TELO2: variants seen among roughly 807,000 people sequenced by gnomAD.
TELO2 encodes the protein telomere maintenance 2, also known as telomere length regulation protein TEL2 homolog.
Under a neutral mutation model 91.0 loss-of-function variants are expected in TELO2, and 71 were observed. The observed-to-expected ratio is 0.78, with a 90% confidence interval of 0.64 to 0.95. The LOEUF is 0.95. Ranked by LOEUF, TELO2 falls within the 40% of genes least tolerant of loss-of-function variation. TELO2 has a pLI of 0.00. For missense variants in TELO2, 1,183 were observed against 1,141.3 expected (o/e 1.04, Z -0.53); for synonymous variants, 584 against 518.9 (o/e 1.13, Z -1.71).
chr16:1,501,365 C>T (rs975135224), intron 9 of TELO2, 55 bp from the exon 10 acceptor site: 86 of 1,570,502 alleles, frequency 5.5e-5, no homozygotes, highest in African/African-American at 9.4e-5. Context: ...GGCTCCGTCT[C>T]GGGGAGGGGC....
chr16:1,495,924 C>T (rs989484705), intron 3 of TELO2, among the ~76,000 whole-genome samples: 8 of 152,230 alleles, frequency 5.3e-5, no homozygotes, highest in African/African-American at 1.9e-4. Context: ...GAGGCAGACG[C>T]TGGCGGTGCC....
At chr16:1,495,282 G>GT in intron 2 of TELO2, 64 bp from the exon 3 acceptor site, 1 of 1,485,742 alleles carries the variant, frequency 6.7e-7, no homozygotes, top group East Asian at 2.5e-5. Context: ...CTGGTTCCTT[G>GT]TGGCAGGAAG....
chr16:1,505,428 C>T lies in TELO2; in HGVS notation c.1861C>T (p.Gln621Ter). 1 of 1,611,304 alleles carries T rather than the reference C, an allele frequency of 6.2e-7. No homozygotes were observed. The change falls in exon 16 of 21, where the codon CAG becomes TAG. Residue 621 changes from glutamine (Q) to a stop codon, truncating the protein, a stop_gained. Coordinates refer to ENST00000262319, the MANE Select transcript of TELO2 (RefSeq NM_016111.4). LOFTEE classifies it high-confidence loss of function. The surrounding 1 kb of genome is among the most constrained non-coding windows in gnomAD (Gnocchi z 4.3). ...DILDVLTLAA[Q>*]ELSRPGCLGR... is the part of the protein sequence containing the mutation. ...CCTCCAGGTGCTGACTCTGGCTGCC[C>T]AGGAGCTGTCTAGGCCTGGGTGCCT...
chr16:1,501,892 C>A, intron 11 of TELO2, 119 bp downstream of exon 11: 1 of 1,447,780 alleles, frequency 6.9e-7, no homozygotes, highest in East Asian at 2.3e-5. Context: ...TCTCTTTCGT[C>A]CTCATGTGAG....
At chr16:1,507,849 GGTGTGTGTGTGTGTGTGT>G (rs560652753) in intron 20 of TELO2, 133 bp downstream of exon 20, 121 of 308,282 alleles carry the variant, frequency 3.9e-4, no homozygotes, top group African/African-American at 3.9e-3. Flanking sequence ...GTTGGCCCGG[GGTGTGTGTGTGTGTGTGT>G]GTGTGTGTGT....
chr16:1,494,549 T>G lies in TELO2; in HGVS notation c.268T>G (p.Phe90Val). The G allele has an allele frequency of 6.2e-7, 1 of 1,613,540 alleles. No individual in the cohort carries two copies. Among genetic ancestry groups the G allele is most frequent in the Non-Finnish European group, 8.5e-7 (1 of 1,179,948 alleles). The change falls in exon 2 of 21, where the codon TTC (phenylalanine) becomes GTC (valine). Residue 90 changes from phenylalanine (F) to valine (V), a missense_variant. Phe to Val is a conservative substitution (Grantham distance 50). Transcript: ENST00000262319. The surrounding 1 kb of genome is among the most constrained non-coding windows in gnomAD (Gnocchi z 5.6). The part of the protein sequence containing the change: ...HGRLEELWAS[F>V]FLEGPADQAF... Reference sequence around the variant, plus strand: ...CCGCCTGGAGGAGCTGTGGGCCAGCTTCTTCCTGGAGGGCCCGGCGGACCA... The same window carrying G: ...CCGCCTGGAGGAGCTGTGGGCCAGCGTCTTCCTGGAGGGCCCGGCGGACCA...
chr16:1,497,831 G>A lies in TELO2; in HGVS notation c.830+323G>A, dbSNP rs1424690410. Among the ~76,000 whole-genome samples, 13 of 152,136 alleles carry A rather than the reference G, an allele frequency of 8.5e-5. 1 individual carries two copies. The highest frequency in any genetic ancestry group is 6.3e-3 in the Middle Eastern group (2 of 316). On this transcript the variant is annotated intron_variant, in intron 5 of 20. Coordinates refer to ENST00000262319, the MANE Select transcript of TELO2 (RefSeq NM_016111.4). This position sits in a 1 kb window ranked among gnomAD's most constrained non-coding sequence, Gnocchi z 4.0. ...GTGCACCATGTCCAGGCTCTGACAT[G>A]GTGATGGGCGGTGACTCACTTCCCC... is the stretch of plus-strand genomic sequence containing the variant.
chr16:1,502,512 C>T (rs747328635), intron 13 of TELO2, 108 bp downstream of exon 13: 2 of 1,495,888 alleles, frequency 1.3e-6, no homozygotes, highest in Non-Finnish European at 1.8e-6. Flanking sequence ...TGTGACAGGG[C>T]TGCTGCCTCT....
Position 1,500,359 on chromosome 16 carries a change from C to A in TELO2, c.1015C>A (p.Leu339Met). The A allele has an allele frequency of 6.3e-7, 1 of 1,592,094 alleles. No individual in the cohort carries two copies. The highest frequency in any genetic ancestry group is 8.5e-7 in the Non-Finnish European group (1 of 1,171,472). ...ATGCCACCTGCAGGTGCTGAAGGAG[C>A]TGTTGGAGACGTGGGGCAGCAGCAG... ...RPLLLQVLKE[L>M]LETWGSSSAI... Residue 339 changes from leucine to methionine, a missense_variant, in exon 8 of 21, where the codon CTG (leucine) becomes ATG (methionine). Physicochemically the swap from Leu to Met is conservative, Grantham distance 15 (BLOSUM62 2). Coordinates refer to ENST00000262319, the MANE Select transcript of TELO2 (RefSeq NM_016111.4).
intron 20 of TELO2, 76 bp from the exon 21 acceptor site, chr16:1,509,754 G>A (rs2040064062): frequency 7.1e-7 from 1 of 1,403,876 alleles, no homozygotes; most frequent in South Asian, 1.3e-5. Flanking sequence ...GGCTGGTTCA[G>A]GCAGACTGAA....
rs1567300731 is a variant in TELO2 at position 1,502,108 on chromosome 16, C to T, written c.1534C>T (p.Pro512Ser). Reference protein sequence around the residue: ...GDRELKSSKAPAYVRDCVEAL... With the variant: ...GDRELKSSKASAYVRDCVEAL... ...CAGAGAGCTGAAGAGCAGCAAGGCT[C>T]CTGCCTACGTCCGGGACTGCGTGGA... The change falls in exon 12 of 21, where the codon CCT (proline) becomes TCT (serine). Residue 512 changes from proline to serine, a missense_variant. Physicochemically the swap from Pro to Ser is moderately conservative, Grantham distance 74 (BLOSUM62 -1). Coordinates refer to ENST00000262319, the MANE Select transcript of TELO2 (RefSeq NM_016111.4). The T allele has an allele frequency of 1.2e-6, 2 of 1,613,102 alleles. No homozygotes were observed. The highest frequency in any genetic ancestry group is 2.2e-5 in the East Asian group (1 of 44,884).
In TELO2 at chr16:1,506,779, C is replaced by T. The variant is rs2039908269; in HGVS notation, c.2127-173C>T. 7.1e-6 allele frequency: 10 copies of T among 1,413,410 alleles called. 1 individual carries two copies. In the South Asian group the frequency reaches 1.2e-4, roughly 17 times the overall value. 87.6% of individuals were successfully genotyped at this position (1,413,410 alleles called of 1,614,324 possible). A position where few individuals can be genotyped will look rare whatever the true frequency, so the allele number is the denominator to read the frequency against. On this transcript the variant is annotated intron_variant, in intron 17 of 20. Transcript: ENST00000262319. Reference sequence around the variant, plus strand: ...GGTGGACTTGTGCCAGACAGCCCTGCAGGGGGAGTAGGCACCCGGAAATGT... The same window carrying T: ...GGTGGACTTGTGCCAGACAGCCCTGTAGGGGGAGTAGGCACCCGGAAATGT...
In TELO2 at chr16:1,495,333, C is replaced by T. The variant is rs1375673201; in HGVS notation, c.336-13C>T. 7.2e-6 allele frequency: 11 copies of T among 1,533,104 alleles called. No individual in the cohort carries two copies. The highest frequency in any genetic ancestry group is 1.2e-5 in the South Asian group (1 of 83,218). The allele number at this position is 1,533,104 out of a possible 1,614,324, so 95.0% of individuals were successfully genotyped here. On this transcript the variant is annotated splice_polypyrimidine_tract_variant and intron_variant, in intron 2 of 20. Coordinates refer to ENST00000262319, the MANE Select transcript of TELO2 (RefSeq NM_016111.4). ...GGGGTTGGCGGCTCTGCCCAACACGCCCGTATCTTCAGCCCCAGCTTCCGG... is the reference window on the plus strand; with the variant it reads ...GGGGTTGGCGGCTCTGCCCAACACGTCCGTATCTTCAGCCCCAGCTTCCGG...
Position 1,506,968 on chromosome 16 carries a change from G to C in TELO2, c.2143G>C (p.Asp715His), listed in dbSNP as rs1288974640. Reference protein sequence around the residue: ...QRFDRPLVTFDLLGEDQLVLG... With the variant: ...QRFDRPLVTFHLLGEDQLVLG... ...GTGCTCTAGGCCTCTGGTGACCTTC[G>C]ACCTCTTGGGAGAAGACCAGCTGGT... The change falls in exon 18 of 21, where the codon GAC becomes CAC. Residue 715 changes from aspartate (D) to histidine (H), a missense_variant. By Grantham distance (81) the Asp-to-His change is moderately conservative. Coordinates refer to ENST00000262319, the MANE Select transcript of TELO2 (RefSeq NM_016111.4). The C allele has an allele frequency of 1.9e-6, 3 of 1,610,898 alleles. No homozygotes were observed. The highest frequency in any genetic ancestry group is 4.5e-5 in the East Asian group (2 of 44,834).
At chr16:1,502,000 C>G (rs769444328) in intron 11 of TELO2, 47 bp from the exon 12 acceptor site, 2 of 1,611,014 alleles carry the variant, frequency 1.2e-6, no homozygotes, top group Admixed American at 3.3e-5. Flanking sequence ...TTGGGCACTT[C>G]CTGTCACAGG....
chr16:1,496,886 G>A (rs912082007), intron 3 of TELO2, 150 bp from the exon 4 acceptor site: 2 of 700,872 alleles, frequency 2.9e-6, no homozygotes, highest in Non-Finnish European at 5.0e-6. Context: ...GTTCAGATTT[G>A]CTGGGTAGGC....
rs1025941588 is a variant in TELO2 at position 1,500,372 on chromosome 16, G to C, written c.1028G>C (p.Trp343Ser). Residue 343 changes from tryptophan to serine, a missense_variant, in exon 8 of 21, where the codon TGG (tryptophan) becomes TCG (serine). Transcript: ENST00000262319. The stretch of plus-strand genomic sequence containing the variant: ...GTGCTGAAGGAGCTGTTGGAGACGT[G>C]GGGCAGCAGCAGTGCCATCCGCCAC... ...LQVLKELLET[W>S]GSSSAIRHTP... 2 of 1,595,944 alleles carry C rather than the reference G, an allele frequency of 1.3e-6. No homozygotes were observed. Among genetic ancestry groups the C allele is most frequent in the Non-Finnish European group, 1.7e-6 (2 of 1,173,160 alleles).
intron 3 of TELO2, among the ~76,000 whole-genome samples, chr16:1,496,336 T>C (rs2039491940): frequency 6.6e-6 from 1 of 152,130 alleles, no homozygotes; most frequent in Non-Finnish European, 1.5e-5. Context: ...GCGTGGGGCC[T>C]GTGTGGCCCA....
At position 1,500,714 on chromosome 16, in the gene TELO2, C is replaced by G. The variant is rs753909618; in HGVS notation, c.1281+15C>G. The G allele has an allele frequency of 6.2e-7, 1 of 1,611,090 alleles. No homozygotes were observed. Among genetic ancestry groups the G allele is most frequent in the South Asian group, 1.1e-5 (1 of 90,944 alleles). On this transcript the variant is annotated intron_variant, in intron 9 of 20. Coordinates refer to ENST00000262319, the MANE Select transcript of TELO2 (RefSeq NM_016111.4). ...TGAAATTCCAGGTGAGCGGGCCGTC[C>G]CCTCCGCGTCCCCGTGTGGCTGGCC...
Sources: allele counts gnomAD v4.1 joint callset (sites outside exome capture counted in the v4.1 genomes callset), GRCh38; gene constraint gnomAD v4.1.1; non-coding constraint Gnocchi (gnomAD v3.1); transcripts MANE v1.5; gene names NCBI Gene and HGNC (gene_info 2026-07-23, HGNC 2026-07-21).